The following DNAH9 variants were observed in gnomAD, a reference collection of about 807,000 sequenced individuals.
DNAH9 encodes DNAH9 variant protein.
In DNAH9, 345 loss-of-function variants were observed where a neutral mutation model predicts 471.6. That is an observed-to-expected ratio of 0.73 (90% CI 0.67 to 0.80). The LOEUF (loss-of-function observed/expected upper bound fraction) is 0.80. DNAH9 is among the 30% of genes least tolerant of loss of function. The pLI, the probability that DNAH9 is intolerant of heterozygous loss-of-function variation, is 0.00. For synonymous variants in DNAH9, 2,093 were observed against 2,123.6 expected (o/e 0.99, Z 0.40); for missense variants, 5,407 against 5,609.2 (o/e 0.96, Z 1.15).
rs183304006 is a variant in DNAH9, at chr17:11,617,630, G to A, written c.1116+8G>A. 2 of 1,606,660 alleles carry A rather than the reference G, an allele frequency of 1.2e-6. No homozygotes were observed. The highest frequency in any genetic ancestry group is 1.3e-5 in the African/African-American group (1 of 74,924). On this transcript the variant is annotated splice_region_variant and intron_variant, in intron 5 of 68. Coordinates refer to ENST00000262442, the MANE Select transcript of DNAH9 (RefSeq NM_001372.4). The stretch of plus-strand genomic sequence containing the variant: ...AACCTTCTCATCCAGCAGGTGGGCT[G>A]CCCTGGGATGCCCAGCAACTGCTCC...
intron 28 of DNAH9, among the ~76,000 whole-genome samples, chr17:11,734,988 C>T (rs2075322557): frequency 6.6e-6 from 1 of 152,130 alleles, no homozygotes; most frequent in Non-Finnish European, 1.5e-5. Context: ...AGGGCCTGTT[C>T]CGACGCACCT....
In DNAH9 at chr17:11,690,453, T is replaced by C. The variant is rs1192824018; in HGVS notation, c.4614+17T>C. 6.2e-7 allele frequency: 1 copy of C among 1,605,446 alleles called. No individual in the cohort carries two copies. The highest frequency in any genetic ancestry group is 1.3e-5 in the African/African-American group (1 of 74,696). ...CTACCCCAGGTACCTGCTAAGGAAATCTAGAATCTCTCTATTCTCTGATCC... is the reference window on the plus strand; with the variant it reads ...CTACCCCAGGTACCTGCTAAGGAAACCTAGAATCTCTCTATTCTCTGATCC... On this transcript the variant is annotated intron_variant, in intron 20 of 68. Coordinates refer to ENST00000262442, the MANE Select transcript of DNAH9 (RefSeq NM_001372.4).
At chr17:11,883,288 C>T (rs1972786550) in intron 55 of DNAH9, 2 of 1,101,320 alleles carry the variant, frequency 1.8e-6, no homozygotes, top group South Asian at 6.9e-5. Context: ...TTAGTGAACA[C>T]TGATAATGCA....
At chr17:11,881,595 G>A (rs571744881) in intron 55 of DNAH9, among the ~76,000 whole-genome samples, 182 bp downstream of exon 55, 156 of 152,260 alleles carry the variant, frequency 1.0e-3, no homozygotes, top group African/African-American at 3.7e-3. Context: ...AAGGATGGGT[G>A]AGCTGAAGAA....
At chr17:11,687,258 C>T (rs114522723) in intron 19 of DNAH9, among the ~76,000 whole-genome samples, 197 of 152,254 alleles carry the variant, frequency 1.3e-3, no homozygotes, top group African/African-American at 4.5e-3. Context: ...AACCATAGCA[C>T]CTGAGCCAAA....
intron 45 of DNAH9, among the ~76,000 whole-genome samples, chr17:11,821,459 A>G (rs1188288921): frequency 1.3e-5 from 2 of 152,058 alleles, no homozygotes; most frequent in Admixed American, 6.6e-5. Context: ...TTTCTCTCAT[A>G]AACAGTGATA....
chr17:11,806,033 G>A (rs1307996121), intron 43 of DNAH9, among the ~76,000 whole-genome samples: 2 of 152,048 alleles, frequency 1.3e-5, no homozygotes, highest in East Asian at 1.9e-4. Context: ...CTCCCAGCCC[G>A]AGTTCCTATT....
intron 33 of DNAH9, 84 bp from the exon 34 acceptor site, chr17:11,756,484 C>G (rs1967391885): frequency 7.5e-6 from 6 of 805,048 alleles, no homozygotes; most frequent in Admixed American, 5.5e-5. Flanking sequence ...CCCAACCAAA[C>G]CAATAATAAT....
intron 31 of DNAH9, among the ~76,000 whole-genome samples, chr17:11,745,365 A>T (rs969358906): frequency 3.3e-4 from 50 of 152,142 alleles, no homozygotes; most frequent in Admixed American, 1.3e-4. Context: ...ACTCACCCAT[A>T]AATGAAAGGA....
intron 26 of DNAH9, among the ~76,000 whole-genome samples, chr17:11,708,166 A>G (rs1218453984): frequency 6.6e-6 from 1 of 152,190 alleles, no homozygotes; most frequent in Non-Finnish European, 1.5e-5. Flanking sequence ...AACCTCTAGC[A>G]ATCAAGAACC....
In DNAH9 at chr17:11,880,230, G is replaced by A. The variant is rs191541079; in HGVS notation, c.10601+30G>A. The A allele has an allele frequency of 4.8e-5, 78 of 1,608,286 alleles. No individual in the cohort carries two copies. In the African/African-American group the frequency reaches 6.8e-4, roughly 14 times the overall value. On this transcript the variant is annotated intron_variant, in intron 54 of 68. Transcript: ENST00000262442. Reference sequence around the variant, plus strand: ...GACTCAGCTGTGTTGCTGACCCTTCGGGGGGAGCTGGTTCATGGCCCTGGT... The same window carrying A: ...GACTCAGCTGTGTTGCTGACCCTTCAGGGGGAGCTGGTTCATGGCCCTGGT...
intron 66 of DNAH9, among the ~76,000 whole-genome samples, chr17:11,938,992 T>G (rs1328218988): frequency 1.3e-5 from 2 of 152,214 alleles, no homozygotes; most frequent in East Asian, 3.8e-4. Context: ...AGACTGATTT[T>G]AGGAAAGCAA....
Position 11,757,581 on chromosome 17 carries a change from A to C in DNAH9, c.6884A>C (p.Asn2295Thr), listed in dbSNP as rs1412808239. Residue 2295 changes from asparagine (N) to threonine (T), a missense_variant, in exon 35 of 69, where the codon AAC (asparagine) becomes ACC (threonine). By Grantham distance (65) the Asn-to-Thr change is moderately conservative. Transcript: ENST00000262442. The part of the protein sequence containing the change: ...LYINPADLGW[N>T]PPVSSWIEKR... ...ATCAACCCGGCAGACTTGGGATGGAACCCTCCAGTGAGCAGCTGGATTGAG... is the reference window on the plus strand; with the variant it reads ...ATCAACCCGGCAGACTTGGGATGGACCCCTCCAGTGAGCAGCTGGATTGAG... 14 of 1,613,784 alleles carry C rather than the reference A, an allele frequency of 8.7e-6. No individual in the cohort carries two copies. Among genetic ancestry groups the C allele is most frequent in the African/African-American group, 1.3e-5 (1 of 74,912 alleles).
chr17:11,678,006 A>G (rs1209606818), intron 17 of DNAH9, among the ~76,000 whole-genome samples: 1 of 328 alleles, frequency 3.0e-3, no homozygotes, highest in Non-Finnish European at 0.056. Flanking sequence ...CCCAGGAACT[A>G]TATATATATA....
At chr17:11,700,880 A>G (rs1036634035) in intron 23 of DNAH9, among the ~76,000 whole-genome samples, 2 of 151,896 alleles carry the variant, frequency 1.3e-5, no homozygotes, top group African/African-American at 2.4e-5. Context: ...TTAACCTGCT[A>G]CTCTGTCCTG....
intron 56 of DNAH9, among the ~76,000 whole-genome samples, chr17:11,885,120 C>T (rs1231424782): frequency 6.6e-6 from 1 of 152,158 alleles, no homozygotes; most frequent in Non-Finnish European, 1.5e-5. Context: ...GTTGGAGATA[C>T]AGCAAGAAAT....
In DNAH9 at chr17:11,632,674, G is replaced by A; in HGVS notation, c.1606G>A (p.Asp536Asn). 6.2e-7 allele frequency: 1 copy of A among 1,604,608 alleles called. No individual in the cohort carries two copies. ...LGTIFIQAFD[D>N]APGLEHAFKL... is the part of the protein sequence containing the mutation. ...GACTATCTTTATTCAAGCTTTTGAT[G>A]ATGCACCTGGCTTGGAGCATGCCTT... Residue 536 changes from aspartate (D) to asparagine (N), a missense_variant, in exon 8 of 69, where the codon GAT (aspartate) becomes AAT (asparagine). Asp to Asn is a conservative substitution (Grantham distance 23). This residue lies in a region of DNAH9 where 767 missense variants were observed against 692.5 expected (regional missense o/e 1.11). Transcript: ENST00000262442.
chr17:11,688,663 A>G (rs111619643), intron 19 of DNAH9, among the ~76,000 whole-genome samples: 110 of 152,322 alleles, frequency 7.2e-4, no homozygotes, highest in Non-Finnish European at 1.3e-3. Context: ...TAGTTGGTCT[A>G]TAGAGCAGTC....
At chr17:11,883,829 G>C in intron 56 of DNAH9, 79 bp downstream of exon 56, 1 of 1,458,048 alleles carries the variant, frequency 6.9e-7, no homozygotes, top group South Asian at 1.3e-5. Context: ...TAGACAATGA[G>C]TCTGACTTTT....
Sources: gnomAD v4.1 joint callset for allele counts (sites outside exome capture counted in the v4.1 genomes callset) on GRCh38, gnomAD v4.1.1 for gene constraint, gnomAD v4.1.1 regional missense constraint, MANE v1.5 for transcripts, NCBI Gene and HGNC (gene_info 2026-07-23, HGNC 2026-07-21) for gene names.